The following ARL15 variants were observed in gnomAD, a reference collection of about 807,000 sequenced individuals.
The protein encoded by ARL15 is ARF like GTPase 15, also known as ADP-ribosylation factor-like protein 15.
A neutral mutation model predicts 25.2 loss-of-function variants in ARL15; 19 were observed. The observed-to-expected ratio is 0.75, with a 90% CI of 0.53 to 1.10. ARL15 has a LOEUF of 1.10. Ranked by LOEUF, ARL15 falls within the 50% of genes least tolerant of loss-of-function variation. ARL15 has a pLI of 0.00. For synonymous variants in ARL15, 94 were observed against 86.8 expected (o/e 1.08, Z -0.46); for missense variants, 220 against 246.0 (o/e 0.89, Z 0.71).
At chr5:53,929,220 C>T (rs1013967869) in intron 4 of ARL15, among the ~76,000 whole-genome samples, 3 of 149,806 alleles carry the variant, frequency 2.0e-5, no homozygotes, top group East Asian at 3.9e-4. Flanking sequence ...TAGATAGAAG[C>T]GAAAAGGGAC....
At chr5:54,179,552 A>C (rs974922713) in intron 1 of ARL15, among the ~76,000 whole-genome samples, 6 of 152,136 alleles carry the variant, frequency 3.9e-5, no homozygotes, top group Non-Finnish European at 8.8e-5. Context: ...GAGAAATAGC[A>C]TCCTTAAGAT....
At chr5:53,994,625 T>C (rs1051223842) in intron 4 of ARL15, among the ~76,000 whole-genome samples, 1 of 152,126 alleles carries the variant, frequency 6.6e-6, no homozygotes, top group Non-Finnish European at 1.5e-5. Flanking sequence ...ATTTTCTTCC[T>C]CCCAATCCCT....
intron 4 of ARL15, among the ~76,000 whole-genome samples, chr5:54,056,523 G>A (rs185561157): frequency 3.3e-5 from 5 of 151,180 alleles, no homozygotes; most frequent in Non-Finnish European, 5.9e-5. Context: ...CCAGCTACTC[G>A]GGAGGCTGAG....
At chr5:54,211,280 G>A (rs1023559537) in intron 1 of ARL15, among the ~76,000 whole-genome samples, 1 of 152,044 alleles carries the variant, frequency 6.6e-6, no homozygotes, top group South Asian at 2.1e-4. Flanking sequence ...GGAAGGTTGG[G>A]AGCAGAATAC....
At chr5:54,262,031 A>G (rs1486439927) in intron 1 of ARL15, among the ~76,000 whole-genome samples, 1 of 152,154 alleles carries the variant, frequency 6.6e-6, no homozygotes, top group Non-Finnish European at 1.5e-5. Flanking sequence ...AAAAATATGA[A>G]CATTTGAAAT....
chr5:54,279,913 A>G (rs1197302830), intron 1 of ARL15, among the ~76,000 whole-genome samples: 1 of 152,224 alleles, frequency 6.6e-6, no homozygotes, highest in South Asian at 2.1e-4. Context: ...AAGCACAACT[A>G]ACTGCCGGCC....
chr5:54,146,362 T>A (rs187877936), intron 3 of ARL15, among the ~76,000 whole-genome samples: 2 of 152,236 alleles, frequency 1.3e-5, no homozygotes, highest in East Asian at 3.9e-4. Context: ...AAAAATAAAC[T>A]AGTTACGTTA....
intron 4 of ARL15, among the ~76,000 whole-genome samples, chr5:54,022,204 G>A (rs1398584574): frequency 1.3e-5 from 2 of 152,110 alleles, no homozygotes; most frequent in Non-Finnish European, 2.9e-5. Flanking sequence ...TGGGAATAAG[G>A]AAAATTGAAA....
At chr5:54,138,055 T>G (rs1753658626) in intron 3 of ARL15, among the ~76,000 whole-genome samples, 1 of 152,176 alleles carries the variant, frequency 6.6e-6, no homozygotes, top group African/African-American at 2.4e-5. Flanking sequence ...TACAGAAAAT[T>G]TGAAACCTTT....
At chr5:53,961,658 G>A (rs1440511690) in intron 4 of ARL15, among the ~76,000 whole-genome samples, 1 of 152,036 alleles carries the variant, frequency 6.6e-6, no homozygotes, top group Non-Finnish European at 1.5e-5. Flanking sequence ...AAAAGGGGGA[G>A]AAATACACAC....
chr5:54,117,382 C>CACAT (rs1173060260), intron 3 of ARL15, among the ~76,000 whole-genome samples: 2 of 150,932 alleles, frequency 1.3e-5, no homozygotes, highest in African/African-American at 4.9e-5. Context: ...CACACACACA[C>CACAT]ACACACACAC....
In ARL15 at chr5:54,139,450, G is replaced by A. The variant is rs76114089; in HGVS notation, c.253+15130C>T. 1.0e-3 allele frequency among the ~76,000 whole-genome samples: 155 copies of A among 152,252 alleles called. 3 individuals carry two copies. In the East Asian group the frequency reaches 0.023, roughly 23 times the overall value. The stretch of plus-strand genomic sequence containing the variant: ...ATACTATATGTTCTTAGTTATAAGT[G>A]GGAACTAAGCTATGGGTACGCAAAG... On this transcript the variant is annotated intron_variant, in intron 3 of 4. Transcript: ENST00000504924.
chr5:53,925,940 T>TG (rs1746004998), intron 4 of ARL15, among the ~76,000 whole-genome samples: 1 of 151,800 alleles, frequency 6.6e-6, no homozygotes, highest in Non-Finnish European at 1.5e-5. Flanking sequence ...AAACAAGGGT[T>TG]GGGGTCTACC....
chr5:54,308,847 C>G (rs73757048), intron 1 of ARL15, among the ~76,000 whole-genome samples: 4,495 of 152,196 alleles, frequency 0.03, 214 homozygotes, highest in African/African-American at 0.1. Context: ...TCAGAACCAC[C>G]TGATTTTCTT....
At position 54,182,838 on chromosome 5, in the gene ARL15, G is replaced by C. The variant is rs1442062974; in HGVS notation, c.49-10910C>G. Among the ~76,000 whole-genome samples, 17 of 150,496 alleles carry C rather than the reference G, an allele frequency of 1.1e-4. No individual in the cohort carries two copies. In the South Asian group the frequency reaches 1.7e-3, roughly 15 times the overall value. ...CTTTTATTTCCTTGAGCAGTGGTTTGTAGTTCTCCTTGAAGAGGTCCTTCA... is the reference window on the plus strand; with the variant it reads ...CTTTTATTTCCTTGAGCAGTGGTTTCTAGTTCTCCTTGAAGAGGTCCTTCA... On this transcript the variant is annotated intron_variant, in intron 1 of 4. Transcript: ENST00000504924.
intron 4 of ARL15, among the ~76,000 whole-genome samples, chr5:54,055,553 G>C (rs1750841094): frequency 6.6e-6 from 1 of 151,836 alleles, no homozygotes; most frequent in South Asian, 2.1e-4. Flanking sequence ...TAGAGACGAG[G>C]TTTCACCATG....
chr5:53,964,522 G>C (rs1747484983), intron 4 of ARL15, among the ~76,000 whole-genome samples: 1 of 151,984 alleles, frequency 6.6e-6, no homozygotes, highest in African/African-American at 2.4e-5. Context: ...ACCATGCCTG[G>C]CTAATTTTGT....
At chr5:54,148,583 T>C (rs1019302056) in intron 3 of ARL15, among the ~76,000 whole-genome samples, 2 of 152,198 alleles carry the variant, frequency 1.3e-5, no homozygotes, top group Non-Finnish European at 2.9e-5. Context: ...CCCCTTTTGA[T>C]TGACAACAGG....
chr5:53,939,925 A>T (rs941256571), intron 4 of ARL15, among the ~76,000 whole-genome samples: 1 of 151,920 alleles, frequency 6.6e-6, no homozygotes, highest in Non-Finnish European at 1.5e-5. Context: ...CAACAACAAC[A>T]ACAACAACAA....
Sources: gnomAD v4.1 joint callset for allele counts (sites outside exome capture counted in the v4.1 genomes callset) on GRCh38, gnomAD v4.1.1 for gene constraint, MANE v1.5 for transcripts, NCBI Gene and HGNC (gene_info 2026-07-23, HGNC 2026-07-21) for gene names.